MAPK4: variants seen among roughly 807,000 people sequenced by gnomAD.
MAPK4 encodes the protein mitogen-activated protein kinase 4.
A neutral mutation model predicts 47.7 loss-of-function variants in MAPK4; 22 were observed. The ratio of observed to expected loss-of-function variants is 0.46; its 90% CI spans 0.33 to 0.66. The LOEUF (loss-of-function observed/expected upper bound fraction) is 0.66, where lower values mean the gene tolerates loss of function less well. Among genes scored for constraint, MAPK4 ranks in the 30% least tolerant of loss-of-function variants. MAPK4 has a pLI of 0.02. For missense variants in MAPK4, 736 were observed against 831.7 expected (o/e 0.88, Z 1.42); for synonymous variants, 390 against 365.7 (o/e 1.07, Z -0.76).
intron 1 of MAPK4, among the ~76,000 whole-genome samples, chr18:50,576,686 T>A (rs1370481): frequency 1 from 151,727 of 152,382 alleles, 75,541 homozygotes; most frequent in East Asian, 1. Context: ...TGAAAAAGGC[T>A]TAATAGATTC....
intron 2 of MAPK4, among the ~76,000 whole-genome samples, chr18:50,699,356 T>C (rs1301351364): frequency 1.3e-5 from 2 of 152,230 alleles, no homozygotes; most frequent in Middle Eastern, 3.2e-3. Flanking sequence ...TCACTATTTC[T>C]CAGTACATCA....
chr18:50,662,342 T>G lies in MAPK4; in HGVS notation c.-870-747T>G, dbSNP rs910934689. Among the ~76,000 whole-genome samples, 6 of 152,232 alleles carry G rather than the reference T, an allele frequency of 3.9e-5. No homozygotes were observed. The South Asian group carries it at 1.0e-3, about 26-fold the overall frequency. On this transcript the variant is annotated intron_variant, in intron 1 of 5. Transcript: ENST00000400384. ...CCACTTAGTTCCTATACCTGTAATT[T>G]GAGTCAACAGCCACCAGAGGGCAGG... is the stretch of plus-strand genomic sequence containing the variant.
At chr18:50,594,535 G>A (rs572821450) in intron 1 of MAPK4, among the ~76,000 whole-genome samples, 20 of 152,234 alleles carry the variant, frequency 1.3e-4, no homozygotes, top group African/African-American at 4.8e-4. Context: ...GAAAAAAATG[G>A]ATATTAATCT....
At position 50,592,002 on chromosome 18, in the gene MAPK4, G is replaced by C. The variant is rs114381960; in HGVS notation, c.-871+31759G>C. 4.0e-3 allele frequency among the ~76,000 whole-genome samples: 611 copies of C among 152,198 alleles called. 5 individuals are homozygous for C. Among genetic ancestry groups the C allele is most frequent in the African/African-American group, 0.014 (577 of 41,526 alleles). On this transcript the variant is annotated intron_variant, in intron 1 of 5. Coordinates refer to ENST00000400384, the MANE Select transcript of MAPK4 (RefSeq NM_002747.4). ...ATGAAGCAGCTTTGTACATGGTATT[G>C]ACTATTTTAATGGCCAGAAAGACCA...
chr18:50,597,574 C>G (rs142047217), intron 1 of MAPK4, among the ~76,000 whole-genome samples: 1 of 152,300 alleles, frequency 6.6e-6, no homozygotes, highest in Admixed American at 6.5e-5. Context: ...GATCTACTTT[C>G]TTAGTGGCTT....
At chr18:50,675,490 T>TTTTA (rs1908211776) in intron 2 of MAPK4, among the ~76,000 whole-genome samples, 1 of 151,732 alleles carries the variant, frequency 6.6e-6, no homozygotes, top group Admixed American at 6.6e-5. Context: ...CTAATTTTGT[T>TTTTA]TTTATTTATT....
At chr18:50,668,759 T>A (rs1340582893) in intron 2 of MAPK4, among the ~76,000 whole-genome samples, 1 of 152,174 alleles carries the variant, frequency 6.6e-6, no homozygotes, top group Non-Finnish European at 1.5e-5. Context: ...CTCACACCCA[T>A]GTTGTCCATC....
chr18:50,594,630 A>G (rs2042466670), intron 1 of MAPK4, among the ~76,000 whole-genome samples: 1 of 152,360 alleles, frequency 6.6e-6, no homozygotes, highest in African/African-American at 2.4e-5. Flanking sequence ...TGTAAAAGTA[A>G]AACAAAAAGC....
rs1017803718 is a variant in MAPK4 at position 50,664,702 on chromosome 18, C to G, written c.546+198C>G. Among the ~76,000 whole-genome samples, 3 of 152,166 alleles carry G rather than the reference C, an allele frequency of 2.0e-5. No individual in the cohort carries two copies. The highest frequency in any genetic ancestry group is 4.4e-5 in the Non-Finnish European group (3 of 68,028). ...AGGGAGATCTGGTTCTTGGTCTTGG[C>G]TCTGCTATGTGGCTTTGATCACCCT... On this transcript the variant is annotated intron_variant, in intron 2 of 5. Coordinates refer to ENST00000400384, the MANE Select transcript of MAPK4 (RefSeq NM_002747.4). The surrounding 1 kb of genome is among the most constrained non-coding windows in gnomAD (Gnocchi z 6.0).
At chr18:50,589,339 G>C (rs1474407076) in intron 1 of MAPK4, among the ~76,000 whole-genome samples, 2 of 152,198 alleles carry the variant, frequency 1.3e-5, no homozygotes, top group African/African-American at 4.8e-5. Context: ...TCTAACGCCT[G>C]TAATCCCAGC....
At chr18:50,676,918 G>A (rs919568094) in intron 2 of MAPK4, among the ~76,000 whole-genome samples, 1 of 152,108 alleles carries the variant, frequency 6.6e-6, no homozygotes, top group South Asian at 2.1e-4. Flanking sequence ...CTTGAGTAAG[G>A]GTCCCCAACC....
At chr18:50,562,975 A>G (rs1295851829) in intron 1 of MAPK4, among the ~76,000 whole-genome samples, 3 of 152,176 alleles carry the variant, frequency 2.0e-5, no homozygotes, top group East Asian at 1.9e-4. Flanking sequence ...CTTGGCCTCT[A>G]GAAATTCCTG....
At chr18:50,699,095 G>A (rs1332125873) in intron 2 of MAPK4, among the ~76,000 whole-genome samples, 2 of 151,966 alleles carry the variant, frequency 1.3e-5, no homozygotes, top group East Asian at 3.8e-4. Flanking sequence ...ATGCAAAGTT[G>A]GTTTAACATT....
chr18:50,588,958 G>A (rs893266223), intron 1 of MAPK4, among the ~76,000 whole-genome samples: 1 of 152,192 alleles, frequency 6.6e-6, no homozygotes, highest in East Asian at 1.9e-4. Context: ...TAACATTCGT[G>A]TGTCCACTTG....
At chr18:50,708,496 A>C (rs1331962752) in intron 2 of MAPK4, among the ~76,000 whole-genome samples, 1 of 152,240 alleles carries the variant, frequency 6.6e-6, no homozygotes, top group East Asian at 1.9e-4. Flanking sequence ...TCTGAACCGC[A>C]ACATCAGCAT....
intron 2 of MAPK4, among the ~76,000 whole-genome samples, chr18:50,696,891 G>A (rs528708573): frequency 3.0e-4 from 46 of 152,206 alleles, no homozygotes; most frequent in African/African-American, 1.1e-3. Context: ...GGAGAGACAC[G>A]GCACTTGAGC....
chr18:50,729,590 G>A lies in MAPK4; in HGVS notation c.1500G>A (p.Thr500=), dbSNP rs1467037547. ...FLEIAQWVKS[T]QGGPEHASPP... Reference sequence around the variant, plus strand: ...AGATCGCGCAGTGGGTCAAGAGCACGCAGGGCGGCCCAGAGCACGCCAGCC... The same window carrying A: ...AGATCGCGCAGTGGGTCAAGAGCACACAGGGCGGCCCAGAGCACGCCAGCC... The change falls in exon 6 of 6, where the codon ACG becomes ACA. Residue 500 remains threonine (T), a synonymous_variant. Coordinates refer to ENST00000400384, the MANE Select transcript of MAPK4 (RefSeq NM_002747.4). The A allele has an allele frequency of 1.4e-6, 2 of 1,406,624 alleles. No homozygotes were observed. The highest frequency in any genetic ancestry group is 9.2e-7 in the Non-Finnish European group (1 of 1,081,498). 87.1% of individuals were successfully genotyped at this position (1,406,624 alleles called of 1,614,324 possible).
intron 2 of MAPK4, among the ~76,000 whole-genome samples, chr18:50,671,151 C>G (rs547985326): frequency 5.3e-5 from 8 of 152,280 alleles, no homozygotes; most frequent in African/African-American, 1.4e-4. Flanking sequence ...GAATCTCAGG[C>G]TCTGTGACAG....
intron 1 of MAPK4, among the ~76,000 whole-genome samples, chr18:50,589,595 C>CAAAA (rs35570696): frequency 9.4e-5 from 11 of 116,454 alleles, no homozygotes; most frequent in African/African-American, 2.4e-4. Context: ...GACTCCGTCT[C>CAAAA]AAAAAAAAAA....
Sources: allele counts gnomAD v4.1 joint callset (sites outside exome capture counted in the v4.1 genomes callset), GRCh38; gene constraint gnomAD v4.1.1; non-coding constraint Gnocchi (gnomAD v3.1); transcripts MANE v1.5; gene names NCBI Gene and HGNC (gene_info 2026-07-23, HGNC 2026-07-21).